The following SOX6 variants were observed in gnomAD, a reference collection of about 807,000 sequenced individuals.
SOX6 encodes the protein transcription factor SOX-6.
In SOX6, 11 loss-of-function variants were observed where a neutral mutation model predicts 97.8. That is an observed-to-expected ratio of 0.11 (90% confidence interval 0.07 to 0.19). The LOEUF is 0.19. SOX6 is among the 10% of genes least tolerant of loss of function. The pLI, the probability that SOX6 is intolerant of heterozygous loss-of-function variation, is 1.00. For synonymous variants in SOX6, 360 were observed against 371.4 expected, an observed-to-expected ratio of 0.97 and a Z score of 0.35; for missense variants, 810 against 1,039.5, an observed-to-expected ratio of 0.78 and a Z score of 3.04.
At chr11:16,611,232 C>A (rs1297342041) in intron 4 of SOX6, among the ~76,000 whole-genome samples, 5 of 152,330 alleles carry the variant, frequency 3.3e-5, no homozygotes, top group African/African-American at 1.2e-4. Flanking sequence ...ATTAATTCTG[C>A]TCGAGAAGTT....
chr11:16,719,614 G>T (rs16933363), intron 2 of SOX6, among the ~76,000 whole-genome samples: 1,748 of 152,306 alleles, frequency 0.011, 26 homozygotes, highest in African/African-American at 0.04. Context: ...TATTTGAGGT[G>T]AGTATAAACT....
At position 16,534,123 on chromosome 11, in the gene SOX6, G is replaced by A. The variant is rs189601685; in HGVS notation, n.610-57735C>T. On this transcript the variant is annotated intron_variant and non_coding_transcript_variant, in intron 4 of 5. Coordinates refer to the SOX6 transcript ENST00000524520. ...CTGTATTAGATAGAATGGCACAGCA[G>A]AACCAATAAGTCCAATATTCTTATT... Among the ~76,000 whole-genome samples the A allele has an allele frequency of 1.3e-3, 196 of 152,188 alleles. 2 individuals carry two copies. Among genetic ancestry groups the A allele is most frequent in the African/African-American group, 4.4e-3 (181 of 41,554 alleles).
chr11:16,349,710 AAGG>A (rs1289816014), intron 1 of SOX6, among the ~76,000 whole-genome samples: 97 of 43,950 alleles, frequency 2.2e-3, no homozygotes, highest in African/African-American at 6.0e-3. Context: ...GGAAGGAAGG[AAGG>A]AAGAAGGAAG....
At chr11:16,511,991 A>T (rs1203073827) in intron 4 of SOX6, among the ~76,000 whole-genome samples, 1 of 152,218 alleles carries the variant, frequency 6.6e-6, no homozygotes, top group Non-Finnish European at 1.5e-5. Context: ...ATAACTAAAC[A>T]AAGTATTACA....
At chr11:16,081,109 T>G (rs1001262239) in intron 9 of SOX6, among the ~76,000 whole-genome samples, 1 of 152,010 alleles carries the variant, frequency 6.6e-6, no homozygotes, top group Non-Finnish European at 1.5e-5. Context: ...TAATAATAAT[T>G]TTTTAAAAAT....
chr11:16,543,754 T>C (rs1847582970), intron 4 of SOX6, among the ~76,000 whole-genome samples: 1 of 152,132 alleles, frequency 6.6e-6, no homozygotes, highest in Admixed American at 6.5e-5. Flanking sequence ...CTCACTAAAA[T>C]AGAAATTAGC....
intron 1 of SOX6, among the ~76,000 whole-genome samples, chr11:16,441,015 T>C (rs1859493594): frequency 6.6e-6 from 1 of 152,108 alleles, no homozygotes; most frequent in South Asian, 2.1e-4. Context: ...AGCACTGGAT[T>C]TTTAACTATT....
chr11:16,627,242 G>A (rs1466675554), intron 3 of SOX6, among the ~76,000 whole-genome samples: 1 of 152,098 alleles, frequency 6.6e-6, no homozygotes, highest in East Asian at 1.9e-4. Context: ...ACCTAGATTG[G>A]TTACATGTCT....
intron 3 of SOX6, among the ~76,000 whole-genome samples, chr11:16,617,940 A>G (rs1353702126): frequency 1.3e-5 from 2 of 151,858 alleles, no homozygotes; most frequent in Non-Finnish European, 3.0e-5. Context: ...TCTGTTCTTG[A>G]GAGATAGGTG....
At chr11:16,024,961 T>G (rs2133876247) in intron 12 of SOX6, among the ~76,000 whole-genome samples, 1 of 152,214 alleles carries the variant, frequency 6.6e-6, no homozygotes, top group Admixed American at 6.5e-5. Context: ...ACATTTAGAC[T>G]CTTGTCACTG....
intron 4 of SOX6, among the ~76,000 whole-genome samples, chr11:16,196,242 T>G (rs946419623): frequency 1.3e-4 from 20 of 152,220 alleles, no homozygotes; most frequent in Admixed American, 1.3e-3. Context: ...AACTGAAGCA[T>G]GCAAAAGTAA....
intron 1 of SOX6, among the ~76,000 whole-genome samples, chr11:16,402,218 T>C (rs752779644): frequency 6.6e-6 from 1 of 151,668 alleles, no homozygotes; most frequent in Non-Finnish European, 1.5e-5. Context: ...CATTTTCTTA[T>C]GTACATGGAG....
intron 3 of SOX6, among the ~76,000 whole-genome samples, chr11:16,645,403 C>A (rs1470162847): frequency 6.6e-6 from 1 of 152,168 alleles, no homozygotes; most frequent in Admixed American, 6.5e-5. Context: ...ACATGAACAT[C>A]CAATTTCTAG....
intron 6 of SOX6, among the ~76,000 whole-genome samples, chr11:16,177,629 C>CTCTCTCTCTCTCTCTCTCAT (rs1440489935): frequency 2.0e-5 from 3 of 151,322 alleles, no homozygotes; most frequent in Non-Finnish European, 3.0e-5. Flanking sequence ...TGATCTCTCT[C>CTCTCTCTCTCTCTCTCTCAT]TCTCTCTCTC....
At chr11:16,302,343 C>T (rs1309205285) in intron 3 of SOX6, among the ~76,000 whole-genome samples, 3 of 152,060 alleles carry the variant, frequency 2.0e-5, no homozygotes, top group Admixed American at 1.3e-4. Flanking sequence ...GTCTCCTGTC[C>T]TAGTCACACC....
intron 1 of SOX6, among the ~76,000 whole-genome samples, chr11:16,392,347 G>T (rs1858211125): frequency 6.6e-6 from 1 of 151,970 alleles, no homozygotes; most frequent in African/African-American, 2.4e-5. Context: ...TCCACTATAT[G>T]CCAGGCACTG....
chr11:16,097,562 A>G, intron 8 of SOX6, 47 bp downstream of exon 8: 3 of 1,538,326 alleles, frequency 2.0e-6, no homozygotes, highest in Non-Finnish European at 2.7e-6. Flanking sequence ...GCAGTTTTCC[A>G]CTAAAGTACT....
At chr11:16,608,055 G>C (rs1006719511) in intron 4 of SOX6, among the ~76,000 whole-genome samples, 10 of 152,140 alleles carry the variant, frequency 6.6e-5, no homozygotes, top group African/African-American at 2.4e-4. Flanking sequence ...ACAAAGAAGA[G>C]AGAAAGTCGG....
intron 14 of SOX6, among the ~76,000 whole-genome samples, chr11:15,987,015 C>G (rs1326860014): frequency 1.3e-5 from 2 of 152,190 alleles, no homozygotes; most frequent in Non-Finnish European, 2.9e-5. Flanking sequence ...ATACCATTTT[C>G]AAGTACTATA....
Sources: gnomAD v4.1 joint callset for allele counts (sites outside exome capture counted in the v4.1 genomes callset) on GRCh38, gnomAD v4.1.1 for gene constraint, MANE v1.5 for transcripts, NCBI Gene and HGNC (gene_info 2026-07-23, HGNC 2026-07-21) for gene names.